The following CHRD variants were observed in gnomAD, a reference collection of about 807,000 sequenced individuals.
CHRD encodes the protein chordin.
A neutral mutation model predicts 113.7 loss-of-function variants in CHRD; 69 were observed. That is an observed-to-expected ratio of 0.61 (90% CI 0.50 to 0.74). CHRD has a LOEUF of 0.74. Ranked by LOEUF, CHRD falls within the 30% of genes least tolerant of loss-of-function variation. The pLI, the probability that CHRD is intolerant of heterozygous loss-of-function variation, is 0.00. For missense variants in CHRD, 1,194 were observed against 1,295.8 expected (o/e 0.92, Z 1.21); for synonymous variants, 561 against 540.8 (o/e 1.04, Z -0.52).
Position 184,388,056 on chromosome 3 carries a change from G to A in CHRD, c.2554+23G>A, listed in dbSNP as rs1024899268. 1.9e-6 allele frequency: 3 copies of A among 1,603,294 alleles called. No individual in the cohort carries two copies. In the South Asian group the frequency reaches 3.4e-5, roughly 18 times the overall value. On this transcript the variant is annotated intron_variant, in intron 20 of 22. Coordinates refer to ENST00000204604, the Ensembl canonical transcript of CHRD. This position sits in a 1 kb window ranked among gnomAD's most constrained non-coding sequence, Gnocchi z 6.1. ...CAGGTGAGAGAGGTGGCTGAGCACT[G>A]AGGCCTCACCTTTGGGTTGAGGCAG...
In CHRD at chr3:184,380,392, G is replaced by A. The variant is rs1391049211; in HGVS notation, c.74G>A (p.Arg25His). 2.2e-6 allele frequency: 3 copies of A among 1,338,944 alleles called. No individual in the cohort carries two copies. The highest frequency in any genetic ancestry group is 1.9e-6 in the Non-Finnish European group (2 of 1,035,408). 82.9% of individuals were successfully genotyped at this position (1,338,944 alleles called of 1,614,324 possible). Residue 25 changes from arginine (R) to histidine (H), a missense_variant, in exon 1 of 23, where the codon CGC becomes CAC. Physicochemically the swap from Arg to His is conservative, Grantham distance 29. Coordinates refer to ENST00000204604, the Ensembl canonical transcript of CHRD. The surrounding 1 kb of genome is among the most constrained non-coding windows in gnomAD (Gnocchi z 6.3). ...CTGCTGCTCGGCTCCCGGCCGGCCC[G>A]CGGCGCCGGCCCAGAGCCCCCCGTG...
exon 16 of CHRD, chr3:184,386,576 G>C (rs1007513919): frequency 5.1e-6 from 8 of 1,580,196 alleles, no homozygotes; most frequent in African/African-American, 1.4e-5. Context: ...GGGGGCTCCG[G>C]ATACAGCCTC....
At chr3:184,385,106 C>T in exon 14 of CHRD, 1 of 1,614,206 alleles carries the variant, frequency 6.2e-7, no homozygotes, top group Non-Finnish European at 8.5e-7. Flanking sequence ...TGGATACCCA[C>T]TGTCACCTGC....
At chr3:184,389,767 C>G (rs1716920439) in exon 23 of CHRD, 1 of 263,398 alleles carries the variant, frequency 3.8e-6, no homozygotes, top group African/African-American at 2.2e-5. Flanking sequence ...TCCTGCTGCC[C>G]CTGAGCTGAG....
exon 14 of CHRD, chr3:184,385,082 C>G: frequency 6.2e-7 from 1 of 1,614,156 alleles, no homozygotes; most frequent in Non-Finnish European, 8.5e-7. Flanking sequence ...CAGCAGGGCA[C>G]GCCTGGCTTT....
rs761952325 is a variant in CHRD at position 184,388,765 on chromosome 3, G to A, written c.2709+24G>A. 1 of 1,612,996 alleles carries A rather than the reference G, an allele frequency of 6.2e-7. No individual in the cohort carries two copies. The highest frequency in any genetic ancestry group is 1.7e-5 in the Admixed American group (1 of 59,984). On this transcript the variant is annotated intron_variant, in intron 21 of 22. Coordinates refer to ENST00000204604, the Ensembl canonical transcript of CHRD. This position sits in a 1 kb window ranked among gnomAD's most constrained non-coding sequence, Gnocchi z 6.1. ...GGGTAAGTGGGGAGCAGAGGCTTGT[G>A]TGAGGTGGGTACTGGGAGCCTGGTC...
intron 9 of CHRD, 21 bp downstream of exon 9, chr3:184,382,959 C>G: frequency 1.2e-6 from 2 of 1,613,580 alleles, no homozygotes; most frequent in Non-Finnish European, 1.7e-6. Flanking sequence ...ATCTGGCTCT[C>G]GCTGCCACCT....
chr3:184,385,355 A>C (rs1307695111), intron 14 of CHRD, 117 bp downstream of exon 14: 7 of 706,224 alleles, frequency 9.9e-6, no homozygotes, highest in Non-Finnish European at 1.7e-5. Context: ...AAGAGCTGGC[A>C]TAAATAAAAT....
intron 8 of CHRD, 32 bp from the exon 9 acceptor site, chr3:184,382,824 T>A: frequency 1.9e-6 from 3 of 1,612,442 alleles, no homozygotes; most frequent in Non-Finnish European, 2.5e-6. Context: ...AGAGCACCTG[T>A]CTCAGAAAGG....
rs1230132129 is a variant in CHRD, at chr3:184,380,183, C to CCCCGG, written c.-132_-128dup. The CCCCGG allele has an allele frequency of 5.7e-6, 1 of 174,458 alleles. No homozygotes were observed. Among genetic ancestry groups the CCCCGG allele is most frequent in the African/African-American group, 2.6e-5 (1 of 38,748 alleles). The allele number at this position is 174,458 out of a possible 1,614,324, so 10.8% of individuals were successfully genotyped here. A position where few individuals can be genotyped will look rare whatever the true frequency, so the allele number is the denominator to read the frequency against. On this transcript the variant is annotated 5_prime_UTR_variant, in exon 1 of 23. Coordinates refer to ENST00000204604, the Ensembl canonical transcript of CHRD. The surrounding 1 kb of genome is among the most constrained non-coding windows in gnomAD (Gnocchi z 6.3). ...CGAGCCCCTCGCGGCACTGCCCCGG[C>CCCCGG]CCCGGCCCCGGCCCCGGCCCCCTCC...
rs201383201 is a variant in CHRD at position 184,381,569 on chromosome 3, T to C, written c.456T>C (p.Tyr152=). ...CGCGGGACCCGGAGCATCGCAGTTA[T>C]AGCGACCGCGGGGAGCCAGGCGCTG... is the stretch of plus-strand genomic sequence containing the variant. Residue 152 remains tyrosine, a synonymous_variant, in exon 4 of 23, where the codon TAT becomes TAC. Transcript: ENST00000204604. This position sits in a 1 kb window ranked among gnomAD's most constrained non-coding sequence, Gnocchi z 4.7. 11 of 1,608,914 alleles carry C rather than the reference T, an allele frequency of 6.8e-6. No individual in the cohort carries two copies. Among genetic ancestry groups the C allele is most frequent in the South Asian group, 2.2e-5 (2 of 90,740 alleles).
exon 16 of CHRD, chr3:184,386,709 G>C: frequency 6.2e-7 from 1 of 1,612,384 alleles, no homozygotes; most frequent in Non-Finnish European, 8.5e-7. Flanking sequence ...CACGGGGCTC[G>C]CTGGGCGCCC....
Position 184,380,591 on chromosome 3 carries a change from C to A in CHRD, c.149-101C>A, listed in dbSNP as rs1241712802. 5 of 1,098,622 alleles carry A rather than the reference C, an allele frequency of 4.6e-6. No homozygotes were observed. Among genetic ancestry groups the A allele is most frequent in the Non-Finnish European group, 5.8e-6 (5 of 860,792 alleles). The allele number at this position is 1,098,622 out of a possible 1,614,324, so 68.1% of individuals were successfully genotyped here. A position where few individuals can be genotyped will look rare whatever the true frequency, so the allele number is the denominator to read the frequency against. ...GGGCGGCCCGGAGGGTGGGCGGGGG[C>A]AGAAGGGCGCGGTGCCTGGGACCCG... On this transcript the variant is annotated intron_variant, in intron 1 of 22. Coordinates refer to ENST00000204604, the Ensembl canonical transcript of CHRD. This position sits in a 1 kb window ranked among gnomAD's most constrained non-coding sequence, Gnocchi z 6.3.
intron 12 of CHRD, 98 bp downstream of exon 12, chr3:184,383,740 C>A: frequency 4.1e-5 from 41 of 1,008,088 alleles, no homozygotes; most frequent in Non-Finnish European, 5.9e-5. Flanking sequence ...TCCACTCACT[C>A]ATGGGTTCTC....
chr3:184,380,413 C>T lies in CHRD; in HGVS notation c.95C>T (p.Pro32Leu), dbSNP rs1265542762. Residue 32 changes from proline to leucine, a missense_variant, in exon 1 of 23, where the codon CCC becomes CTC. By Grantham distance (98) the Pro-to-Leu change is moderately conservative (BLOSUM62 -3). Transcript: ENST00000204604. This position sits in a 1 kb window ranked among gnomAD's most constrained non-coding sequence, Gnocchi z 6.3. ...GCCCGCGGCGCCGGCCCAGAGCCCC[C>T]CGTGCTGCCCATCCGTTCTGAGAAG... 3 of 1,335,612 alleles carry T rather than the reference C, an allele frequency of 2.2e-6. No individual in the cohort carries two copies. The highest frequency in any genetic ancestry group is 1.6e-5 in the African/African-American group (1 of 64,062). 82.7% of individuals were successfully genotyped at this position (1,335,612 alleles called of 1,614,324 possible).
intron 14 of CHRD, among the ~76,000 whole-genome samples, chr3:184,385,778 T>G (rs1716183336): frequency 6.6e-6 from 1 of 151,938 alleles, no homozygotes; most frequent in Non-Finnish European, 1.5e-5. Flanking sequence ...TTCTAAGTCT[T>G]TTTTTGGTGG....
Position 184,388,277 on chromosome 3 carries a change from ATCCATCCG to A in CHRD, c.2554+250_2554+257del, listed in dbSNP as rs1306012495. Among the ~76,000 whole-genome samples, 2,158 of 145,094 alleles carry A rather than the reference ATCCATCCG, an allele frequency of 0.015. 48 individuals carry two copies. Among genetic ancestry groups the A allele is most frequent in the African/African-American group, 0.051 (2,041 of 39,708 alleles). The stretch of plus-strand genomic sequence containing the variant: ...CATCCATCCATCCATCCATCCATCC[ATCCATCCG>A]TCCATTCATCTATCTATCCACCCAT... On this transcript the variant is annotated intron_variant, in intron 20 of 22. Coordinates refer to ENST00000204604, the Ensembl canonical transcript of CHRD. The surrounding 1 kb of genome is among the most constrained non-coding windows in gnomAD (Gnocchi z 6.1).
chr3:184,383,172 G>GA lies in CHRD; in HGVS notation c.1213+9_1213+10insA. 6.4e-7 allele frequency: 1 copy of GA among 1,569,812 alleles called. No homozygotes were observed. The highest frequency in any genetic ancestry group is 8.7e-7 in the Non-Finnish European group (1 of 1,155,826). ...CAGGAAGAGCTGCGACGGTGAGGCG[G>GA]GGGGGGGGCCTGGTGCGCCGGGCAT... is the stretch of plus-strand genomic sequence containing the variant. On this transcript the variant is annotated intron_variant, in intron 10 of 22. Transcript: ENST00000204604.
At position 184,380,516 on chromosome 3, in the gene CHRD, A is replaced by G. The variant is rs1715140922; in HGVS notation, c.148+50A>G. 1 of 1,094,938 alleles carries G rather than the reference A, an allele frequency of 9.1e-7. No individual in the cohort carries two copies. Among genetic ancestry groups the G allele is most frequent in the Non-Finnish European group, 1.1e-6 (1 of 893,600 alleles). 67.8% of individuals were successfully genotyped at this position (1,094,938 alleles called of 1,614,324 possible). On this transcript the variant is annotated intron_variant, in intron 1 of 22. Coordinates refer to ENST00000204604, the Ensembl canonical transcript of CHRD. The surrounding 1 kb of genome is among the most constrained non-coding windows in gnomAD (Gnocchi z 6.3). ...CGGGCGGGGAGTCGGGCTCGGGGCG[A>G]GTCAGCGCCAGCCCGGAGGGGGCGC... is the stretch of plus-strand genomic sequence containing the variant.
Sources: gnomAD v4.1 joint callset for allele counts (sites outside exome capture counted in the v4.1 genomes callset) on GRCh38, gnomAD v4.1.1 for gene constraint, Gnocchi (gnomAD v3.1) non-coding constraint, MANE v1.5 for transcripts, NCBI Gene and HGNC (gene_info 2026-07-23, HGNC 2026-07-21) for gene names.